CRYBG1: variants seen among roughly 807,000 people sequenced by gnomAD.
The protein encoded by CRYBG1 is crystallin beta-gamma domain containing 1.
Under a neutral mutation model 189.2 loss-of-function variants are expected in CRYBG1, and 139 were observed. That is an observed-to-expected ratio of 0.73 (90% CI 0.64 to 0.85). The LOEUF (loss-of-function observed/expected upper bound fraction) is 0.85, where lower values mean the gene tolerates loss of function less well. Among genes scored for constraint, CRYBG1 ranks in the 40% least tolerant of loss-of-function variants. The pLI is 0.00. For synonymous variants in CRYBG1, 1,023 were observed against 1,017.1 expected (o/e 1.01, Z -0.11); for missense variants, 2,611 against 2,675.8 (o/e 0.98, Z 0.53).
chr6:106,471,290 G>A (rs1772228436), intron 2 of CRYBG1, among the ~76,000 whole-genome samples: 1 of 152,188 alleles, frequency 6.6e-6, no homozygotes, highest in Non-Finnish European at 1.5e-5. Context: ...GTAAATCTCA[G>A]AAGAAAAGAG....
intron 1 of CRYBG1, among the ~76,000 whole-genome samples, chr6:106,375,050 C>T (rs1010634197): frequency 6.6e-6 from 1 of 151,976 alleles, no homozygotes; most frequent in Admixed American, 6.6e-5. Flanking sequence ...GTTAAAGTTT[C>T]TAAAGATAAT....
intron 1 of CRYBG1, among the ~76,000 whole-genome samples, chr6:106,376,777 G>C (rs1183151810): frequency 6.6e-6 from 1 of 152,028 alleles, no homozygotes; most frequent in Admixed American, 6.6e-5. Flanking sequence ...GTGTACCATC[G>C]GTTCTCTGCT....
In CRYBG1 at chr6:106,552,253, A is replaced by G. The variant is rs1676011; in HGVS notation, c.5472+37A>G. On this transcript the variant is annotated intron_variant, in intron 15 of 21. Coordinates refer to ENST00000633556, the MANE Select transcript of CRYBG1 (RefSeq NM_001371242.2). The stretch of plus-strand genomic sequence containing the variant: ...AATATTCTTTTATATTAATATATAA[A>G]GGGCCTTCCATTGAAAAGCTGAACT... The G allele has an allele frequency of 0.013, 17,725 of 1,349,224 alleles. 1,621 individuals are homozygous for G. The African/African-American group carries it at 0.21, about 16-fold the overall frequency. 83.6% of individuals were successfully genotyped at this position (1,349,224 alleles called of 1,614,324 possible). A position where few individuals can be genotyped will look rare whatever the true frequency, so the allele number is the denominator to read the frequency against.
At chr6:106,552,760 A>G (rs1774437460) in intron 15 of CRYBG1, among the ~76,000 whole-genome samples, 1 of 152,196 alleles carries the variant, frequency 6.6e-6, no homozygotes, top group East Asian at 1.9e-4. Flanking sequence ...TGCTTATTGT[A>G]TAAAGCTGAA....
At chr6:106,365,048 A>T (rs1176441799) in intron 1 of CRYBG1, among the ~76,000 whole-genome samples, 1 of 152,180 alleles carries the variant, frequency 6.6e-6, no homozygotes, top group African/African-American at 2.4e-5. Context: ...TTTCTGCTAT[A>T]TAATGAAAGT....
At chr6:106,401,409 TTC>T (rs67228058) in intron 1 of CRYBG1, among the ~76,000 whole-genome samples, 78,799 of 138,116 alleles carry the variant, frequency 0.57, 22,177 homozygotes, top group South Asian at 0.75. Flanking sequence ...TTTTTTAATT[TTC>T]TTTTTTTATT....
chr6:106,540,912 T>G lies in CRYBG1; in HGVS notation c.4846-674T>G, dbSNP rs1210702209. Reference sequence around the variant, plus strand: ...TATCTTTTTAATGTAATACCATTTCTCTGATTTTAGTGAGTTTTTTTGTTT... The same window carrying G: ...TATCTTTTTAATGTAATACCATTTCGCTGATTTTAGTGAGTTTTTTTGTTT... On this transcript the variant is annotated intron_variant, in intron 9 of 21. Coordinates refer to ENST00000633556, the MANE Select transcript of CRYBG1 (RefSeq NM_001371242.2). Among the ~76,000 whole-genome samples, 3 of 152,208 alleles carry G rather than the reference T, an allele frequency of 2.0e-5. No homozygotes were observed. The East Asian group carries it at 5.8e-4, about 29-fold the overall frequency.
intron 3 of CRYBG1, among the ~76,000 whole-genome samples, chr6:106,516,523 C>A (rs1315228937): frequency 1.3e-5 from 2 of 152,166 alleles, no homozygotes; most frequent in African/African-American, 2.4e-5. Context: ...CATGAGCCAC[C>A]ACACCCAGCC....
intron 1 of CRYBG1, among the ~76,000 whole-genome samples, chr6:106,395,251 TA>T (rs954150030): frequency 6.6e-6 from 1 of 151,204 alleles, no homozygotes; most frequent in Admixed American, 6.6e-5. Context: ...TTTAAAAATA[TA>T]AAAAAAATAA....
chr6:106,563,816 C>G lies in CRYBG1; in HGVS notation c.6191C>G (p.Ser2064Cys). 1.2e-6 allele frequency: 2 copies of G among 1,612,862 alleles called. No homozygotes were observed. The highest frequency in any genetic ancestry group is 1.3e-5 in the African/African-American group (1 of 75,010). Residue 2064 changes from serine (S) to cysteine (C), a missense_variant, in exon 21 of 22, where the codon TCC becomes TGC. Coordinates refer to ENST00000633556, the MANE Select transcript of CRYBG1 (RefSeq NM_001371242.2). ...TIVGSLVTSG[S>C]KLGLALDQNA... ...GTGGGCAGCCTGGTAACATCTGGCT[C>G]CAAGCTAGGCCTGGCCCTGGACCAG... is the stretch of plus-strand genomic sequence containing the variant.
intron 1 of CRYBG1, among the ~76,000 whole-genome samples, chr6:106,431,448 C>T (rs912551977): frequency 8.6e-5 from 13 of 151,932 alleles, no homozygotes; most frequent in African/African-American, 2.4e-4. Context: ...TTCAGCATCA[C>T]GCGATATACC....
At chr6:106,395,881 T>A (rs375277926) in intron 1 of CRYBG1, among the ~76,000 whole-genome samples, 1 of 152,036 alleles carries the variant, frequency 6.6e-6, no homozygotes, top group Non-Finnish European at 1.5e-5. Context: ...TACCCTGAGC[T>A]CTAGGCAAAT....
Position 106,519,557 on chromosome 6 carries a change from A to C in CRYBG1, c.2349A>C (p.Gln783His). 1 of 1,614,188 alleles carries C rather than the reference A, an allele frequency of 6.2e-7. No homozygotes were observed. The highest frequency in any genetic ancestry group is 8.5e-7 in the Non-Finnish European group (1 of 1,180,006). ...ENQALGPQPN[Q>H]DDKADVQTDA... ...AAGCTCTTGGTCCTCAGCCTAACCAAGATGATAAAGCAGATGTACAAACAG... is the reference window on the plus strand; with the variant it reads ...AAGCTCTTGGTCCTCAGCCTAACCACGATGATAAAGCAGATGTACAAACAG... The change falls in exon 4 of 22, where the codon CAA becomes CAC. Residue 783 changes from glutamine (Q) to histidine (H), a missense_variant. Coordinates refer to ENST00000633556, the MANE Select transcript of CRYBG1 (RefSeq NM_001371242.2).
chr6:106,395,002 T>C (rs1366267328), intron 1 of CRYBG1, among the ~76,000 whole-genome samples: 2 of 151,578 alleles, frequency 1.3e-5, no homozygotes, highest in African/African-American at 4.8e-5. Context: ...ATTACAGGCA[T>C]AAGCCACCAC....
At chr6:106,454,154 C>T (rs954396756) in intron 2 of CRYBG1, among the ~76,000 whole-genome samples, 1 of 152,190 alleles carries the variant, frequency 6.6e-6, no homozygotes, top group African/African-American at 2.4e-5. Context: ...CATCCCTTCT[C>T]CCCTCTCTCT....
At position 106,568,375 on chromosome 6, in the gene CRYBG1, T is replaced by C. The variant is rs114552121; in HGVS notation, c.6302-97T>C. On this transcript the variant is annotated intron_variant, in intron 21 of 21. Coordinates refer to ENST00000633556, the MANE Select transcript of CRYBG1 (RefSeq NM_001371242.2). ...GCATGCAGTTCTACACCTTGTTTAC[T>C]TGCTTACTTTTGCTGTACTGGTGTT... 1.6e-3 allele frequency: 1,521 copies of C among 953,662 alleles called. 16 individuals carry two copies. In the African/African-American group the frequency reaches 0.023, roughly 14 times the overall value. 59.1% of individuals were successfully genotyped at this position (953,662 alleles called of 1,614,324 possible).
chr6:106,457,090 C>T (rs578152644), intron 2 of CRYBG1: 2 of 152,306 alleles, frequency 1.3e-5, no homozygotes, highest in South Asian at 4.1e-4. Context: ...AGTCTATTTT[C>T]TGTTGCTTAT....
intron 21 of CRYBG1, among the ~76,000 whole-genome samples, chr6:106,567,352 C>T (rs1774921236): frequency 1.3e-5 from 2 of 152,114 alleles, no homozygotes. Flanking sequence ...TACATCTAGC[C>T]ATACATCTAG....
Position 106,569,296 on chromosome 6 carries a change from T to A in CRYBG1, c.*730T>A, listed in dbSNP as rs1198978746. ...GTGCAGTGGCACAATCACGGCTCAC[T>A]GCAGCCTCTACCTCCCCAGGCTCAG... On this transcript the variant is annotated 3_prime_UTR_variant, in exon 22 of 22. Transcript: ENST00000633556. 6.6e-6 allele frequency: 1 copy of A among 152,216 alleles called. No individual in the cohort carries two copies. The allele number at this position is 152,216 out of a possible 1,614,324, so 9.4% of individuals were successfully genotyped here. A position where few individuals can be genotyped will look rare whatever the true frequency, so the allele number is the denominator to read the frequency against.
Sources: gnomAD v4.1 joint callset for allele counts (sites outside exome capture counted in the v4.1 genomes callset) on GRCh38, gnomAD v4.1.1 for gene constraint, MANE v1.5 for transcripts, NCBI Gene and HGNC (gene_info 2026-07-23, HGNC 2026-07-21) for gene names.